The following DACH2 variants were observed in gnomAD, a reference collection of about 807,000 sequenced individuals.
DACH2 encodes dachshund family transcription factor 2.
Under a neutral mutation model 35.8 loss-of-function variants are expected in DACH2, and 17 were observed. That is an observed-to-expected ratio of 0.48 (90% CI 0.33 to 0.71). DACH2 has a LOEUF of 0.71. Ranked by LOEUF, DACH2 falls within the 30% of genes least tolerant of loss-of-function variation. The pLI is 0.02. For synonymous variants in DACH2, 195 were observed against 177.3 expected (o/e 1.10, Z -0.79); for missense variants, 469 against 472.7 (o/e 0.99, Z 0.07).
In DACH2 at chrX:86,536,402, C is replaced by T. The variant is rs143762239; in HGVS notation, c.640+22011C>T. On this transcript the variant is annotated intron_variant, in intron 3 of 11. Transcript: ENST00000373125. Reference sequence around the variant, plus strand: ...TTTGGCATATTTTGAAATGGCCCTGCAAAGCTGTCTCTTATGGGGGAAATT... The same window carrying T: ...TTTGGCATATTTTGAAATGGCCCTGTAAAGCTGTCTCTTATGGGGGAAATT... Among the ~76,000 whole-genome samples the T allele has an allele frequency of 9.4e-3, 1,047 of 111,735 alleles. 18 individuals are homozygous for T. Among genetic ancestry groups the T allele is most frequent in the African/African-American group, 0.033 (1,002 of 30,704 alleles).
intron 2 of DACH2, among the ~76,000 whole-genome samples, chrX:86,421,456 G>A (rs2036801819): frequency 9.0e-6 from 1 of 111,428 alleles, no homozygotes; most frequent in African/African-American, 3.3e-5. Flanking sequence ...GTGGTACCTT[G>A]AAGGGTGATT....
intron 1 of DACH2, among the ~76,000 whole-genome samples, chrX:86,286,115 G>GTTTTTTTTTTT (rs753864299): frequency 4.4e-5 from 2 of 45,760 alleles, no homozygotes; most frequent in African/African-American, 1.0e-4. Flanking sequence ...CAGCCAGTCT[G>GTTTTTTTTTTT]TTTTTTTTTT....
intron 2 of DACH2, among the ~76,000 whole-genome samples, chrX:86,475,211 T>G (rs1333587972): frequency 9.0e-6 from 1 of 111,625 alleles, no homozygotes; most frequent in Non-Finnish European, 1.9e-5. Flanking sequence ...CTATTTCTGT[T>G]GAGGAATATC....
intron 6 of DACH2, among the ~76,000 whole-genome samples, chrX:86,729,692 G>A (rs894071936): frequency 1.8e-5 from 2 of 111,751 alleles, no homozygotes; most frequent in Non-Finnish European, 3.8e-5. Flanking sequence ...GAATGTCTCA[G>A]GCCATCCCCT....
At chrX:86,417,471 G>A (rs1255715740) in intron 2 of DACH2, among the ~76,000 whole-genome samples, 1 of 109,983 alleles carries the variant, frequency 9.1e-6, no homozygotes, top group Non-Finnish European at 1.9e-5. Context: ...ACAAGGAGGA[G>A]CAAGTCACAT....
At chrX:86,727,683 C>A (rs185649245) in intron 6 of DACH2, among the ~76,000 whole-genome samples, 3 of 110,836 alleles carry the variant, frequency 2.7e-5, no homozygotes, top group Non-Finnish European at 3.8e-5. Flanking sequence ...CGTGCCCCAT[C>A]ACATTCTCTT....
intron 3 of DACH2, among the ~76,000 whole-genome samples, chrX:86,583,973 T>C (rs1417366095): frequency 1.8e-5 from 2 of 111,155 alleles, no homozygotes; most frequent in Non-Finnish European, 3.8e-5. Flanking sequence ...TTCTCTTCTA[T>C]TTCCTAGAAG....
intron 1 of DACH2, among the ~76,000 whole-genome samples, chrX:86,315,691 A>C (rs1453907356): frequency 2.7e-5 from 3 of 109,780 alleles, no homozygotes; most frequent in African/African-American, 1.0e-4. Flanking sequence ...AAAAGACTTC[A>C]TTGGAAGATG....
chrX:86,638,327 G>T (rs1216903839), intron 3 of DACH2, among the ~76,000 whole-genome samples: 1 of 111,906 alleles, frequency 8.9e-6, no homozygotes. Context: ...AAACCCAGGA[G>T]AAACTCATCT....
chrX:86,242,191 G>T (rs1275395280), intron 1 of DACH2, among the ~76,000 whole-genome samples: 2 of 112,346 alleles, frequency 1.8e-5, no homozygotes, highest in Non-Finnish European at 3.8e-5. Flanking sequence ...TGGAAAAGCT[G>T]CAGGTACTCA....
At chrX:86,823,764 G>T (rs2042536366) in intron 11 of DACH2, among the ~76,000 whole-genome samples, 1 of 111,241 alleles carries the variant, frequency 9.0e-6, no homozygotes, top group Non-Finnish European at 1.9e-5. Flanking sequence ...ATATTGGTAG[G>T]ACCGTGATGC....
chrX:86,491,229 G>C (rs943443374), intron 2 of DACH2, among the ~76,000 whole-genome samples: 3 of 111,409 alleles, frequency 2.7e-5, no homozygotes, highest in African/African-American at 9.7e-5. Context: ...ATGCTTTTAC[G>C]CCAGATATTT....
chrX:86,792,152 G>C (rs1197417408), intron 7 of DACH2, among the ~76,000 whole-genome samples: 1 of 111,506 alleles, frequency 9.0e-6, no homozygotes, highest in Non-Finnish European at 1.9e-5. Context: ...ATTTTAAAAA[G>C]AGGCAGCTAG....
chrX:86,679,053 A>T (rs902580359), intron 4 of DACH2, among the ~76,000 whole-genome samples: 3 of 111,535 alleles, frequency 2.7e-5, no homozygotes, highest in African/African-American at 6.5e-5. Flanking sequence ...CCTGTCCTAC[A>T]CAGTCCTACC....
chrX:86,295,274 G>C (rs1025707490), intron 1 of DACH2, among the ~76,000 whole-genome samples: 2 of 111,876 alleles, frequency 1.8e-5, no homozygotes, highest in East Asian at 5.7e-4. Context: ...GCCCTGCTTC[G>C]GCTCGCGCAC....
chrX:86,178,464 G>A (rs950380983), intron 1 of DACH2, among the ~76,000 whole-genome samples: 6 of 111,330 alleles, frequency 5.4e-5, no homozygotes, highest in Admixed American at 9.6e-5. Flanking sequence ...TGTAAGTACT[G>A]AAAATGCTTT....
At chrX:86,180,471 T>C (rs917323520) in intron 1 of DACH2, among the ~76,000 whole-genome samples, 1 of 109,708 alleles carries the variant, frequency 9.1e-6, no homozygotes, top group East Asian at 2.9e-4. Context: ...AGAACAAAAT[T>C]TCAAGAAATG....
chrX:86,203,575 G>A (rs1390852426), intron 1 of DACH2, among the ~76,000 whole-genome samples: 6 of 111,641 alleles, frequency 5.4e-5, no homozygotes, highest in Admixed American at 9.6e-5. Flanking sequence ...GGAAGCAACC[G>A]AATTGTTTAT....
chrX:86,531,694 C>T (rs967603847), intron 3 of DACH2, among the ~76,000 whole-genome samples: 1 of 112,644 alleles, frequency 8.9e-6, no homozygotes, highest in South Asian at 3.6e-4. Context: ...TCTACTAGGG[C>T]AATGCAGAGG....
Sources: allele counts gnomAD v4.1 joint callset (sites outside exome capture counted in the v4.1 genomes callset), GRCh38; gene constraint gnomAD v4.1.1; transcripts MANE v1.5; gene names NCBI Gene and HGNC (gene_info 2026-07-23, HGNC 2026-07-21).